The following QSER1 variants were observed in gnomAD, a reference collection of about 807,000 sequenced individuals.
The protein encoded by QSER1 is glutamine and serine rich 1, also known as glutamine and serine-rich protein 1.
In QSER1, 49 loss-of-function variants were observed where a neutral mutation model predicts 158.5. The ratio of observed to expected loss-of-function variants is 0.31; its 90% CI spans 0.25 to 0.39. QSER1 has a LOEUF of 0.39. QSER1 is among the 10% of genes least tolerant of loss of function. The pLI is 1.00. For missense variants in QSER1, 1,754 were observed against 2,010.3 expected, an observed-to-expected ratio of 0.87 and a Z score of 2.44; for synonymous variants, 650 against 715.5, an observed-to-expected ratio of 0.91 and a Z score of 1.46.
chr11:32,965,999 A>G (rs1021612711), intron 8 of QSER1, among the ~76,000 whole-genome samples: 2 of 142,482 alleles, frequency 1.4e-5, no homozygotes, highest in African/African-American at 5.2e-5. Flanking sequence ...ATCACCTAGG[A>G]AGCTTTTTAA....
chr11:32,964,733 T>C lies in QSER1; in HGVS notation c.4970-1567T>C, dbSNP rs1291794793. On this transcript the variant is annotated intron_variant, in intron 8 of 12. Coordinates refer to ENST00000650167, the MANE Select transcript of QSER1 (RefSeq NM_001076786.3). ...AAAAAACACCATATATATATATATA[T>C]ATATATACACACACACACACACACA... Among the ~76,000 whole-genome samples the C allele has an allele frequency of 4.8e-3, 549 of 115,204 alleles. 8 individuals carry two copies. Among genetic ancestry groups the C allele is most frequent in the South Asian group, 0.015 (54 of 3,512 alleles). The allele number at this position is 115,204 out of a possible 152,430, so 75.6% of individuals were successfully genotyped here. A position where few individuals can be genotyped will look rare whatever the true frequency, so the allele number is the denominator to read the frequency against.
intron 12 of QSER1, among the ~76,000 whole-genome samples, chr11:32,975,919 A>G (rs973156065): frequency 2.6e-5 from 4 of 152,210 alleles, no homozygotes; most frequent in Non-Finnish European, 5.9e-5. Context: ...GACCAGCACT[A>G]TCACTTCTTT....
At chr11:32,966,855 T>A (rs928985502) in intron 9 of QSER1, among the ~76,000 whole-genome samples, 6 of 152,228 alleles carry the variant, frequency 3.9e-5, no homozygotes, top group Non-Finnish European at 7.3e-5. Context: ...TAGCAATTAT[T>A]TTCTAATCAG....
rs573827327 is a variant in QSER1, at chr11:32,932,868, A to G, written c.1610A>G (p.Glu537Gly). 3.1e-6 allele frequency: 5 copies of G among 1,614,134 alleles called. No homozygotes were observed. In the South Asian group the frequency reaches 5.5e-5, roughly 18 times the overall value. The change falls in exon 4 of 13, where the codon GAG (glutamate) becomes GGG (glycine). Residue 537 changes from glutamate to glycine, a missense_variant. Glu to Gly is a moderately conservative substitution (Grantham distance 98). Coordinates refer to ENST00000650167, the MANE Select transcript of QSER1 (RefSeq NM_001076786.3). Reference sequence around the variant, plus strand: ...GAGGTATTGTCTTCAGTTACAAATGAGAATTACCCTGCTCAAACAAGAGAT... The same window carrying G: ...GAGGTATTGTCTTCAGTTACAAATGGGAATTACCCTGCTCAAACAAGAGAT... ...QQEVLSSVTN[E>G]NYPAQTRDLS...
Position 32,977,112 on chromosome 11 carries a change from C to A in QSER1, c.*638C>A, listed in dbSNP as rs1852991167. 6.5e-6 allele frequency: 1 copy of A among 152,684 alleles called. No homozygotes were observed. Among genetic ancestry groups the A allele is most frequent in the East Asian group, 1.9e-4 (1 of 5,188 alleles). 9.5% of individuals were successfully genotyped at this position (152,684 alleles called of 1,614,324 possible). A position where few individuals can be genotyped will look rare whatever the true frequency, so the allele number is the denominator to read the frequency against. On this transcript the variant is annotated 3_prime_UTR_variant, in exon 13 of 13. Transcript: ENST00000650167. ...GTCAAATTATATTGTGATAAAAAAA[C>A]AATGACATACTATTTTCCCTATCGC...
intron 1 of QSER1, among the ~76,000 whole-genome samples, chr11:32,925,228 CT>C (rs1209576613): frequency 6.6e-6 from 1 of 152,064 alleles, no homozygotes; most frequent in African/African-American, 2.4e-5. Flanking sequence ...GACTTGTTTC[CT>C]TTTGGATGTA....
chr11:32,958,075 G>A lies in QSER1; in HGVS notation c.4958G>A (p.Ser1653Asn), dbSNP rs1387952786. The A allele has an allele frequency of 6.2e-7, 1 of 1,613,674 alleles. No individual in the cohort carries two copies. Among genetic ancestry groups the A allele is most frequent in the South Asian group, 1.1e-5 (1 of 91,048 alleles). The change falls in exon 8 of 13, where the codon AGT becomes AAT. Residue 1653 changes from serine (S) to asparagine (N), a missense_variant. Transcript: ENST00000650167. ...DSSPEIHTSS[S>N]DDEEFEPPAP... ...TCTCCTGAGATCCATACTAGTAGTA[G>A]TGACGATGAGGGTGAGTTTTCCGTG...
Position 32,935,270 on chromosome 11 carries a change from G to A in QSER1, c.4012G>A (p.Gly1338Ser), listed in dbSNP as rs778742009. 6.1e-5 allele frequency: 98 copies of A among 1,613,762 alleles called. No individual in the cohort carries two copies. Among genetic ancestry groups the A allele is most frequent in the Non-Finnish European group, 7.5e-5 (89 of 1,179,918 alleles). Reference sequence around the variant, plus strand: ...CACACCTTTAGTGTCTGAAACTGGCGGTAACAGTCCATCAGATAAAGTTGA... The same window carrying A: ...CACACCTTTAGTGTCTGAAACTGGCAGTAACAGTCCATCAGATAAAGTTGA... ...TPTPLVSETG[G>S]NSPSDKVDNE... The change falls in exon 4 of 13, where the codon GGT becomes AGT. Residue 1338 changes from glycine (G) to serine (S), a missense_variant. This residue lies in a region of QSER1 where 1,707 missense variants were observed against 1,919.6 expected (regional missense o/e 0.89). Coordinates refer to ENST00000650167, the MANE Select transcript of QSER1 (RefSeq NM_001076786.3).
intron 11 of QSER1, among the ~76,000 whole-genome samples, chr11:32,974,602 G>A (rs1422528315): frequency 6.6e-6 from 1 of 152,192 alleles, no homozygotes; most frequent in Non-Finnish European, 1.5e-5. Flanking sequence ...AGAAGAGATA[G>A]ATTTGTTCAT....
intron 1 of QSER1, among the ~76,000 whole-genome samples, chr11:32,894,278 G>A (rs1437995980): frequency 6.6e-6 from 1 of 152,140 alleles, no homozygotes; most frequent in Non-Finnish European, 1.5e-5. Context: ...ACTGTGAAAC[G>A]GTCCCATTTG....
At chr11:32,903,597 A>ATTTGTTTG (rs112672094) in intron 1 of QSER1, among the ~76,000 whole-genome samples, 79 of 151,320 alleles carry the variant, frequency 5.2e-4, no homozygotes, top group African/African-American at 1.9e-3. Flanking sequence ...TAAGTTTTTT[A>ATTTGTTTG]TTTGTTTGTT....
chr11:32,896,985 T>TA (rs1851563873), intron 1 of QSER1, among the ~76,000 whole-genome samples: 4 of 152,180 alleles, frequency 2.6e-5, no homozygotes, highest in Admixed American at 2.0e-4. Context: ...CTTCCACTGT[T>TA]AGAGTTCAGA....
intron 8 of QSER1, among the ~76,000 whole-genome samples, chr11:32,964,266 T>C (rs1852683452): frequency 6.6e-6 from 1 of 152,172 alleles, no homozygotes; most frequent in Non-Finnish European, 1.5e-5. Flanking sequence ...TGAGCCACCA[T>C]GCCCAGCCCC....
At chr11:32,946,960 G>A (rs1392069388) in intron 4 of QSER1, among the ~76,000 whole-genome samples, 1 of 152,256 alleles carries the variant, frequency 6.6e-6, no homozygotes, top group Admixed American at 6.5e-5. Context: ...CGTCAGAAAA[G>A]TGCAGTATTC....
chr11:32,904,777 C>A (rs968153183), intron 1 of QSER1, among the ~76,000 whole-genome samples: 4 of 152,104 alleles, frequency 2.6e-5, no homozygotes, highest in African/African-American at 9.7e-5. Flanking sequence ...TCATGTTGAT[C>A]AGTGGCCTCT....
At chr11:32,943,234 C>T (rs1252033355) in intron 4 of QSER1, among the ~76,000 whole-genome samples, 1 of 151,632 alleles carries the variant, frequency 6.6e-6, no homozygotes, top group Non-Finnish European at 1.5e-5. Flanking sequence ...TTTCCTTCTC[C>T]TGCCTAATTG....
intron 12 of QSER1, 77 bp from the exon 13 acceptor site, chr11:32,976,256 AT>A: frequency 1.6e-6 from 2 of 1,259,276 alleles, no homozygotes; most frequent in Admixed American, 6.2e-5. Context: ...TAAGAAAAAA[AT>A]AAAATACCAG....
At chr11:32,917,821 C>CAAAAA (rs371007117) in intron 1 of QSER1, among the ~76,000 whole-genome samples, 3 of 80,820 alleles carry the variant, frequency 3.7e-5, no homozygotes, top group South Asian at 5.7e-4. Flanking sequence ...GACTCTGTCT[C>CAAAAA]AAAAAAAAAA....
At chr11:32,895,446 C>T (rs1439869418) in intron 1 of QSER1, among the ~76,000 whole-genome samples, 1 of 152,156 alleles carries the variant, frequency 6.6e-6, no homozygotes, top group Non-Finnish European at 1.5e-5. Flanking sequence ...CAAATATTCC[C>T]TTTGATTTCA....
Sources: gnomAD v4.1 joint callset for allele counts (sites outside exome capture counted in the v4.1 genomes callset) on GRCh38, gnomAD v4.1.1 for gene constraint, gnomAD v4.1.1 regional missense constraint, MANE v1.5 for transcripts, NCBI Gene and HGNC (gene_info 2026-07-23, HGNC 2026-07-21) for gene names.